BCL7A: variants seen among roughly 807,000 people sequenced by gnomAD.
The protein encoded by BCL7A is B-cell CLL/lymphoma 7 protein family member A.
BCL7A carries 11 observed loss-of-function variants against 28.4 expected under a neutral mutation model. That is an observed-to-expected ratio of 0.39 (90% CI 0.24 to 0.64). The LOEUF (loss-of-function observed/expected upper bound fraction) is 0.64, where lower values mean the gene tolerates loss of function less well. BCL7A is among the 30% of genes least tolerant of loss of function. BCL7A has a pLI of 0.50. For missense variants in BCL7A, 222 were observed against 274.8 expected (o/e 0.81, Z 1.36); for synonymous variants, 123 against 103.3 (o/e 1.19, Z -1.15).
chr12:122,037,906 G>A (rs185276468), intron 3 of BCL7A, among the ~76,000 whole-genome samples: 8 of 152,010 alleles, frequency 5.3e-5, no homozygotes, highest in Non-Finnish European at 8.8e-5. Context: ...CGGAGATTGC[G>A]CCATTGCACT....
chr12:122,034,379 G>T (rs1050184230), intron 2 of BCL7A, among the ~76,000 whole-genome samples: 6 of 145,954 alleles, frequency 4.1e-5, no homozygotes, highest in Non-Finnish European at 8.9e-5. Context: ...GATTTAACGA[G>T]TCTCCTACAG....
At chr12:122,052,876 G>A (rs1468386605) in intron 4 of BCL7A, among the ~76,000 whole-genome samples, 7 of 139,610 alleles carry the variant, frequency 5.0e-5, no homozygotes, top group Non-Finnish European at 9.4e-5. Flanking sequence ...GTCGGGGGGG[G>A]GGGGGGGTTT....
rs534509232 is a variant in BCL7A, at chr12:122,043,883, C to T, written c.272-3C>T. On this transcript the variant is annotated splice_polypyrimidine_tract_variant and splice_region_variant and intron_variant, in intron 3 of 5. Coordinates refer to ENST00000261822, the MANE Select transcript of BCL7A (RefSeq NM_001024808.3). The stretch of plus-strand genomic sequence containing the variant: ...CCTGTGGTTCTGTTCCCACCCCCTA[C>T]AGACGATAACAGCAACCAGAGCTCC... The T allele has an allele frequency of 3.9e-5, 63 of 1,611,092 alleles. 2 individuals are homozygous for T. In the South Asian group the frequency reaches 6.4e-4, roughly 16 times the overall value.
intron 3 of BCL7A, among the ~76,000 whole-genome samples, chr12:122,043,054 A>G (rs2135851608): frequency 6.6e-6 from 1 of 150,480 alleles, no homozygotes; most frequent in East Asian, 2.0e-4. Flanking sequence ...GGAGTGGACC[A>G]CGTGTCCCGT....
chr12:122,030,531 T>G (rs1883720110), intron 1 of BCL7A, among the ~76,000 whole-genome samples, 169 bp from the exon 2 acceptor site: 1 of 152,194 alleles, frequency 6.6e-6, no homozygotes, highest in Non-Finnish European at 1.5e-5. Context: ...GAAACCAGGC[T>G]TAGATGGGTG....
intron 2 of BCL7A, among the ~76,000 whole-genome samples, chr12:122,032,471 T>C (rs1883765590): frequency 6.6e-6 from 1 of 152,114 alleles, no homozygotes; most frequent in Non-Finnish European, 1.5e-5. Context: ...CTAATCTCGT[T>C]TGGGGAAGAT....
chr12:122,024,437 T>C (rs1883566050), intron 1 of BCL7A, among the ~76,000 whole-genome samples: 1 of 150,234 alleles, frequency 6.7e-6, no homozygotes, highest in African/African-American at 2.5e-5. Context: ...GTGGACTTTG[T>C]AGAAACTTGG....
intron 4 of BCL7A, chr12:122,044,346 C>CAA (rs201881815): frequency 4.1e-4 from 89 of 218,852 alleles, no homozygotes; most frequent in South Asian, 8.2e-4. Flanking sequence ...TCATCTCTAC[C>CAA]AAAAAAAAAA....
At chr12:122,035,895 C>T (rs926719721) in intron 3 of BCL7A, among the ~76,000 whole-genome samples, 31 of 152,184 alleles carry the variant, frequency 2.0e-4, no homozygotes, top group Non-Finnish European at 2.8e-4. Context: ...GGCCAGAGTG[C>T]GGTGGCGTGG....
intron 1 of BCL7A, among the ~76,000 whole-genome samples, chr12:122,022,791 G>A (rs1593019452): frequency 6.6e-6 from 1 of 151,776 alleles, no homozygotes; most frequent in Admixed American, 6.6e-5. Flanking sequence ...AGCGCTTTGG[G>A]CTGCCTGGAG....
At chr12:122,042,206 T>C (rs1400950669) in intron 3 of BCL7A, among the ~76,000 whole-genome samples, 10 of 152,210 alleles carry the variant, frequency 6.6e-5, no homozygotes, top group Admixed American at 6.5e-4. Context: ...TTCTTTGTAT[T>C]GTGAAGGGTT....
rs548791801 is a variant in BCL7A, at chr12:122,044,222, A to G, written c.439+169A>G. On this transcript the variant is annotated intron_variant, in intron 4 of 5. Transcript: ENST00000261822. ...GTCTCGTGGGGGAATTAAAAAAATC[A>G]GACAGGCCAGGTGCAGTGGCTCATG... is the stretch of plus-strand genomic sequence containing the variant. The G allele has an allele frequency of 2.4e-3, 1,926 of 786,848 alleles. 23 individuals are homozygous for G. Among genetic ancestry groups the G allele is most frequent in the Middle Eastern group, 0.013 (33 of 2,604 alleles). 48.7% of individuals were successfully genotyped at this position (786,848 alleles called of 1,614,324 possible).
chr12:122,049,422 C>T (rs1884147080), intron 4 of BCL7A, among the ~76,000 whole-genome samples: 3 of 151,924 alleles, frequency 2.0e-5, no homozygotes, highest in African/African-American at 4.8e-5. Context: ...TGGCTCATAC[C>T]TGTATTCCCA....
At chr12:122,040,966 C>A (rs1883954528) in intron 3 of BCL7A, among the ~76,000 whole-genome samples, 1 of 152,086 alleles carries the variant, frequency 6.6e-6, no homozygotes, top group African/African-American at 2.4e-5. Context: ...CGTGTGCTTG[C>A]CATAGGAAGG....
intron 1 of BCL7A, among the ~76,000 whole-genome samples, chr12:122,024,666 T>G (rs1883575770): frequency 6.6e-6 from 1 of 152,144 alleles, no homozygotes; most frequent in Non-Finnish European, 1.5e-5. Context: ...GTTGCCAGGT[T>G]TAACCAGATA....
chr12:122,024,267 T>A (rs2135835926), intron 1 of BCL7A, among the ~76,000 whole-genome samples: 1 of 152,344 alleles, frequency 6.6e-6, no homozygotes, highest in South Asian at 2.1e-4. Flanking sequence ...GCCGCGACCT[T>A]GGGCATATCA....
chr12:122,052,868 C>G lies in BCL7A; in HGVS notation c.440-1937C>G, dbSNP rs11043304. ...TGGCTTACTTTTGTATTTTTTTAGTCGGGGGGGGGGGGGGGTTTGCCATGT... is the reference window on the plus strand; with the variant it reads ...TGGCTTACTTTTGTATTTTTTTAGTGGGGGGGGGGGGGGGGTTTGCCATGT... On this transcript the variant is annotated intron_variant, in intron 4 of 5. Coordinates refer to ENST00000261822, the MANE Select transcript of BCL7A (RefSeq NM_001024808.3). 7.4e-3 allele frequency among the ~76,000 whole-genome samples: 216 copies of G among 29,154 alleles called. No individual in the cohort carries two copies. In the Middle Eastern group the frequency reaches 0.11, roughly 14 times the overall value. The allele number at this position is 29,154 out of a possible 152,430, so 19.1% of individuals were successfully genotyped here.
intron 4 of BCL7A, among the ~76,000 whole-genome samples, chr12:122,053,207 G>A (rs1363228736): frequency 2.0e-5 from 3 of 152,206 alleles, no homozygotes; most frequent in African/African-American, 7.2e-5. Context: ...TGTTGGCCAG[G>A]CTGGTCTTGA....
chr12:122,030,850 A>G (rs59397548), intron 2 of BCL7A, 69 bp downstream of exon 2: 493,036 of 1,484,536 alleles, frequency 0.33, 84,967 homozygotes, highest in East Asian at 0.55. Context: ...GGGGAGGGAG[A>G]TTGTCCACTG....
Sources: gnomAD v4.1 joint callset for allele counts (sites outside exome capture counted in the v4.1 genomes callset) on GRCh38, gnomAD v4.1.1 for gene constraint, MANE v1.5 for transcripts, NCBI Gene and HGNC (gene_info 2026-07-23, HGNC 2026-07-21) for gene names.